PLXDC2: variants seen among roughly 807,000 people sequenced by gnomAD.
The protein encoded by PLXDC2 is plexin domain containing 2, also known as plexin domain-containing protein 2.
In PLXDC2, 40 loss-of-function variants were observed where a neutral mutation model predicts 68.9. That is an observed-to-expected ratio of 0.58 (90% CI 0.45 to 0.76). The LOEUF (loss-of-function observed/expected upper bound fraction) is 0.76. Ranked by LOEUF, PLXDC2 falls within the 30% of genes least tolerant of loss-of-function variation. The probability of loss-of-function intolerance (pLI) is 0.00; values close to 1 mark genes in which losing one functional copy is unlikely to be tolerated. For missense variants in PLXDC2, 644 were observed against 661.9 expected (o/e 0.97, Z 0.30); for synonymous variants, 243 against 234.2 (o/e 1.04, Z -0.34).
chr10:19,904,766 T>A (rs1838212907), intron 1 of PLXDC2, among the ~76,000 whole-genome samples: 1 of 152,226 alleles, frequency 6.6e-6, no homozygotes. Context: ...TGGTCCTGCC[T>A]TCTATCCTCC....
chr10:19,827,427 A>G (rs941557368), intron 1 of PLXDC2, among the ~76,000 whole-genome samples: 9 of 152,218 alleles, frequency 5.9e-5, no homozygotes, highest in African/African-American at 1.9e-4. Context: ...TTTGATTGCA[A>G]TCTTATGAAG....
At chr10:19,964,415 C>G (rs890388108) in intron 1 of PLXDC2, among the ~76,000 whole-genome samples, 3 of 152,204 alleles carry the variant, frequency 2.0e-5, no homozygotes, top group Non-Finnish European at 4.4e-5. Context: ...CAATCTCCAG[C>G]TTCCCATTCC....
intron 1 of PLXDC2, among the ~76,000 whole-genome samples, chr10:19,998,996 A>G (rs1428190371): frequency 1.3e-5 from 2 of 152,200 alleles, no homozygotes; most frequent in South Asian, 2.1e-4. Context: ...TCAAATTTCA[A>G]CTTAAGTGGG....
At chr10:20,050,746 G>A (rs777987773) in intron 3 of PLXDC2, among the ~76,000 whole-genome samples, 1 of 151,928 alleles carries the variant, frequency 6.6e-6, no homozygotes, top group Non-Finnish European at 1.5e-5. Flanking sequence ...AGATGCTGGT[G>A]AGGCTGCAGA....
At chr10:20,004,943 G>C (rs1396260275) in intron 2 of PLXDC2, among the ~76,000 whole-genome samples, 1 of 152,162 alleles carries the variant, frequency 6.6e-6, no homozygotes, top group Non-Finnish European at 1.5e-5. Flanking sequence ...GAGCTGCCAG[G>C]TACTGTGTGG....
chr10:20,076,799 G>A (rs1836458468), intron 4 of PLXDC2, among the ~76,000 whole-genome samples: 1 of 152,142 alleles, frequency 6.6e-6, no homozygotes. Context: ...AACTTGGGAT[G>A]TCCGCTTGAT....
chr10:19,954,505 T>A (rs1834037844), intron 1 of PLXDC2, among the ~76,000 whole-genome samples: 1 of 152,242 alleles, frequency 6.6e-6, no homozygotes, highest in African/African-American at 2.4e-5. Context: ...GATCCATTTG[T>A]AGTCTATATT....
At chr10:20,189,502 T>TAC (rs1834732774) in intron 9 of PLXDC2, among the ~76,000 whole-genome samples, 1 of 123,022 alleles carries the variant, frequency 8.1e-6, no homozygotes, top group Non-Finnish European at 1.7e-5. Context: ...TATATATATA[T>TAC]ATACACATAC....
At chr10:19,900,556 G>A (rs1433871260) in intron 1 of PLXDC2, among the ~76,000 whole-genome samples, 2 of 151,964 alleles carry the variant, frequency 1.3e-5, no homozygotes, top group South Asian at 2.1e-4. Context: ...ACATAGTTTT[G>A]GAAATAATGG....
intron 1 of PLXDC2, among the ~76,000 whole-genome samples, chr10:19,937,544 G>GTGTATATATATA (rs1283000294): frequency 1.0e-5 from 1 of 95,968 alleles, no homozygotes; most frequent in Admixed American, 1.2e-4. Context: ...TATAGTCAAT[G>GTGTATATATATA]TATATATATA....
chr10:19,973,496 G>A (rs1376075208), intron 1 of PLXDC2, among the ~76,000 whole-genome samples: 1 of 150,400 alleles, frequency 6.6e-6, no homozygotes, highest in Non-Finnish European at 1.5e-5. Flanking sequence ...GATACTTTAG[G>A]CTTTCCACTT....
At chr10:19,817,516 C>A (rs1177136011) in intron 1 of PLXDC2, among the ~76,000 whole-genome samples, 6 of 152,182 alleles carry the variant, frequency 3.9e-5, no homozygotes, top group Non-Finnish European at 8.8e-5. Flanking sequence ...TAGGACCTGG[C>A]ATCTCCAGGC....
chr10:19,838,751 T>C (rs985522594), intron 1 of PLXDC2, among the ~76,000 whole-genome samples: 1 of 152,252 alleles, frequency 6.6e-6, no homozygotes, highest in Non-Finnish European at 1.5e-5. Context: ...AAGTGTGATA[T>C]AATTGCTAAT....
intron 1 of PLXDC2, among the ~76,000 whole-genome samples, chr10:19,950,898 G>C (rs377581318): frequency 6.6e-6 from 1 of 152,140 alleles, no homozygotes; most frequent in East Asian, 1.9e-4. Flanking sequence ...TAAGCAAGGG[G>C]AGAAGGACTG....
At chr10:19,864,792 G>A (rs2131337881) in intron 1 of PLXDC2, among the ~76,000 whole-genome samples, 1 of 152,268 alleles carries the variant, frequency 6.6e-6, no homozygotes, top group South Asian at 2.1e-4. Context: ...ACTTTCTCAG[G>A]GGAGTAGGAA....
At chr10:20,259,202 G>C (rs1005333609) in intron 13 of PLXDC2, among the ~76,000 whole-genome samples, 2 of 151,900 alleles carry the variant, frequency 1.3e-5, no homozygotes, top group African/African-American at 2.4e-5. Context: ...CAGAACAATT[G>C]CCTTTTTTTT....
At chr10:20,121,694 G>A (rs537776676) in intron 4 of PLXDC2, among the ~76,000 whole-genome samples, 16 of 152,294 alleles carry the variant, frequency 1.1e-4, no homozygotes, top group Admixed American at 2.6e-4. Context: ...ATTGAGGATA[G>A]GAGAGTGTAT....
At chr10:20,119,374 T>G (rs1430502242) in intron 4 of PLXDC2, among the ~76,000 whole-genome samples, 3 of 151,598 alleles carry the variant, frequency 2.0e-5, no homozygotes, top group Admixed American at 1.3e-4. Context: ...GGGGTTGTTC[T>G]CTGGCGGGCA....
At chr10:20,013,870 T>C (rs1835158118) in intron 2 of PLXDC2, among the ~76,000 whole-genome samples, 1 of 152,150 alleles carries the variant, frequency 6.6e-6, no homozygotes, top group Admixed American at 6.5e-5. Flanking sequence ...GTAAATGAGG[T>C]TAATCTTCAT....
Sources: gnomAD v4.1 joint callset for allele counts (sites outside exome capture counted in the v4.1 genomes callset) on GRCh38, gnomAD v4.1.1 for gene constraint, MANE v1.5 for transcripts, NCBI Gene and HGNC (gene_info 2026-07-23, HGNC 2026-07-21) for gene names.